The following AGFG1 variants were observed in gnomAD, a reference collection of about 807,000 sequenced individuals.
The protein encoded by AGFG1 is ArfGAP with FG repeats 1, also known as arf-GAP domain and FG repeat-containing protein 1.
AGFG1 carries 10 observed loss-of-function variants against 60.6 expected under a neutral mutation model. The observed-to-expected ratio is 0.16, with a 90% CI of 0.10 to 0.28. AGFG1 has a LOEUF of 0.28. AGFG1 is among the 10% of genes least tolerant of loss of function. The pLI is 1.00. For synonymous variants in AGFG1, 247 were observed against 242.9 expected (o/e 1.02, Z -0.16); for missense variants, 537 against 676.5 (o/e 0.79, Z 2.29).
At chr2:227,548,029 A>G (rs767601840) in intron 10 of AGFG1, among the ~76,000 whole-genome samples, 3 of 152,254 alleles carry the variant, frequency 2.0e-5, no homozygotes, top group African/African-American at 4.8e-5. Context: ...GCATTGATAC[A>G]TGCTACAACA....
At chr2:227,480,964 ATTC>A (rs1690440410) in intron 1 of AGFG1, among the ~76,000 whole-genome samples, 3 of 152,174 alleles carry the variant, frequency 2.0e-5, no homozygotes, top group East Asian at 1.9e-4. Context: ...GTCTGATGCT[ATTC>A]TTATTACTGA....
At chr2:227,550,630 CA>C (rs1425156317) in intron 10 of AGFG1, among the ~76,000 whole-genome samples, 2 of 152,006 alleles carry the variant, frequency 1.3e-5, no homozygotes, top group Non-Finnish European at 2.9e-5. Context: ...TTTTTCGCAT[CA>C]GTAATAAAAA....
chr2:227,484,652 A>G (rs1254987316), intron 1 of AGFG1, among the ~76,000 whole-genome samples: 1 of 144,792 alleles, frequency 6.9e-6, no homozygotes, highest in Non-Finnish European at 1.5e-5. Flanking sequence ...TATACAGTAT[A>G]AGCTTCTTTA....
chr2:227,521,363 G>A (rs1372866763), intron 3 of AGFG1, among the ~76,000 whole-genome samples: 16 of 152,066 alleles, frequency 1.1e-4, no homozygotes, highest in Admixed American at 6.6e-5. Flanking sequence ...CACTGTGCCC[G>A]GCCTAAAATA....
intron 5 of AGFG1, 25 bp from the exon 6 acceptor site, chr2:227,531,066 A>G (rs372044880): frequency 2.5e-6 from 4 of 1,591,902 alleles, no homozygotes; most frequent in Middle Eastern, 1.7e-4. Flanking sequence ...ATTCATTAAC[A>G]TATGTTGTTC....
chr2:227,495,122 C>G (rs1027840875), intron 2 of AGFG1, among the ~76,000 whole-genome samples: 1 of 152,042 alleles, frequency 6.6e-6, no homozygotes, highest in Non-Finnish European at 1.5e-5. Context: ...ATGCCAGATG[C>G]TAGTAAAATA....
intron 10 of AGFG1, among the ~76,000 whole-genome samples, chr2:227,545,439 G>A (rs186018180): frequency 3.3e-5 from 5 of 152,142 alleles, no homozygotes; most frequent in Middle Eastern, 3.2e-3. Context: ...TGTTATTACC[G>A]ATCTTCTCAA....
intron 11 of AGFG1, 140 bp downstream of exon 11, chr2:227,552,257 T>G: frequency 9.3e-7 from 1 of 1,072,540 alleles, no homozygotes; most frequent in East Asian, 2.7e-5. Context: ...AATAAAAGCC[T>G]TTGGTGATTT....
chr2:227,507,630 C>A lies in AGFG1; in HGVS notation c.262-12318C>A, dbSNP rs1419580387. Among the ~76,000 whole-genome samples, 15 of 136,768 alleles carry A rather than the reference C, an allele frequency of 1.1e-4. 1 individual carries two copies. Among genetic ancestry groups the A allele is most frequent in the African/African-American group, 3.9e-4 (15 of 38,670 alleles). 89.7% of individuals were successfully genotyped at this position (136,768 alleles called of 152,430 possible). On this transcript the variant is annotated intron_variant, in intron 2 of 12. Coordinates refer to ENST00000310078, the MANE Select transcript of AGFG1 (RefSeq NM_004504.5). ...AAAAAAAAAAAAAAAAAAAAAAGCG[C>A]CTTTTCACTAATTTTTTTTGTTTTG...
chr2:227,503,500 T>G (rs1053414159), intron 2 of AGFG1, among the ~76,000 whole-genome samples: 1 of 152,224 alleles, frequency 6.6e-6, no homozygotes, highest in Non-Finnish European at 1.5e-5. Flanking sequence ...TTATATGGTC[T>G]ACCTGATTGA....
chr2:227,553,639 G>T (rs1041450057), intron 11 of AGFG1, 65 bp from the exon 12 acceptor site: 1 of 1,318,156 alleles, frequency 7.6e-7, no homozygotes, highest in Non-Finnish European at 1.1e-6. Flanking sequence ...TTATTATGAG[G>T]CTTTATAAGC....
At chr2:227,474,736 A>G (rs1465952354) in intron 1 of AGFG1, among the ~76,000 whole-genome samples, 1 of 152,232 alleles carries the variant, frequency 6.6e-6, no homozygotes, top group Non-Finnish European at 1.5e-5. Flanking sequence ...TTGATGCCTG[A>G]GCAAAGACCT....
intron 5 of AGFG1, among the ~76,000 whole-genome samples, chr2:227,526,570 T>C (rs1426315209): frequency 8.1e-6 from 1 of 123,298 alleles, no homozygotes; most frequent in East Asian, 2.3e-4. Flanking sequence ...TGAGATGGAG[T>C]CTCACTCCCT....
At position 227,547,587 on chromosome 2, in the gene AGFG1, C is replaced by T. The variant is rs146260478; in HGVS notation, c.1379-4372C>T. 5.3e-5 allele frequency among the ~76,000 whole-genome samples: 8 copies of T among 152,034 alleles called. No individual in the cohort carries two copies. The East Asian group carries it at 5.8e-4, about 11-fold the overall frequency. On this transcript the variant is annotated intron_variant, in intron 10 of 12. Coordinates refer to ENST00000310078, the MANE Select transcript of AGFG1 (RefSeq NM_004504.5). ...TTCAGAATGTGCAAAGAACTCGTAA[C>T]GACTAAATAATAAAAAGACACCCCA...
intron 2 of AGFG1, among the ~76,000 whole-genome samples, chr2:227,505,978 G>A (rs181828789): frequency 7.9e-5 from 12 of 152,210 alleles, no homozygotes; most frequent in African/African-American, 2.9e-4. Flanking sequence ...TCCTAATCTC[G>A]TGATCCACCT....
rs1211504465 is a variant in AGFG1 at position 227,556,451 on chromosome 2, A to T, written c.*1956A>T. 1 of 152,572 alleles carries T rather than the reference A, an allele frequency of 6.6e-6. No homozygotes were observed. The highest frequency in any genetic ancestry group is 1.9e-4 in the East Asian group (1 of 5,198). 9.5% of individuals were successfully genotyped at this position (152,572 alleles called of 1,614,324 possible). ...TTAAATGAATGCTGCACAGGTCCAG[A>T]TGTGTGTTGATGTAGACTTGAAATG... On this transcript the variant is annotated 3_prime_UTR_variant, in exon 13 of 13. Coordinates refer to ENST00000310078, the MANE Select transcript of AGFG1 (RefSeq NM_004504.5).
rs1692992241 is a variant in AGFG1, at chr2:227,557,113, A to C, written c.*2618A>C. The C allele has an allele frequency of 6.6e-6, 1 of 152,206 alleles. No individual in the cohort carries two copies. Among genetic ancestry groups the C allele is most frequent in the African/African-American group, 2.4e-5 (1 of 41,458 alleles). 9.4% of individuals were successfully genotyped at this position (152,206 alleles called of 1,614,324 possible). ...GGAGAAAAAATCCTGGAAGGTAACA[A>C]GGCTGAAGACCTTCAAATTTCCTGG... On this transcript the variant is annotated 3_prime_UTR_variant, in exon 13 of 13. Transcript: ENST00000310078.
At chr2:227,522,231 A>T (rs188073805) in intron 3 of AGFG1, among the ~76,000 whole-genome samples, 38 of 152,354 alleles carry the variant, frequency 2.5e-4, no homozygotes, top group Non-Finnish European at 1.2e-4. Context: ...TTCAGGAAAG[A>T]AGAAAATCCT....
At chr2:227,479,923 A>G (rs1690405094) in intron 1 of AGFG1, among the ~76,000 whole-genome samples, 1 of 152,236 alleles carries the variant, frequency 6.6e-6, no homozygotes, top group East Asian at 1.9e-4. Context: ...TTTGAAATAC[A>G]GAGAATTAAT....
Sources: gnomAD v4.1 joint callset for allele counts (sites outside exome capture counted in the v4.1 genomes callset) on GRCh38, gnomAD v4.1.1 for gene constraint, MANE v1.5 for transcripts, NCBI Gene and HGNC (gene_info 2026-07-23, HGNC 2026-07-21) for gene names.